Variants in IMMP1L observed in about 807,000 individuals in gnomAD.
The protein encoded by IMMP1L is inner mitochondrial membrane peptidase subunit 1.
IMMP1L carries 24 observed loss-of-function variants against 21.8 expected under a neutral mutation model. The observed-to-expected ratio is 1.10, with a 90% CI of 0.80 to 1.55. IMMP1L has a LOEUF of 1.55. Ranked by LOEUF, IMMP1L falls within the 40% of genes most tolerant of loss-of-function variation. The pLI is 0.00. For missense variants in IMMP1L, 195 were observed against 200.7 expected, an observed-to-expected ratio of 0.97 and a Z score of 0.17; for synonymous variants, 46 against 62.8, an observed-to-expected ratio of 0.73 and a Z score of 1.26.
intron 1 of IMMP1L, among the ~76,000 whole-genome samples, chr11:31,464,595 A>G (rs1000730932): frequency 6.6e-6 from 1 of 152,208 alleles, no homozygotes; most frequent in Non-Finnish European, 1.5e-5. Context: ...TACCACGATC[A>G]GATGGGATTT....
Position 31,462,699 on chromosome 11 carries a change from T to C in IMMP1L, c.105+473A>G, listed in dbSNP as rs1322407830. Among the ~76,000 whole-genome samples, 3 of 152,224 alleles carry C rather than the reference T, an allele frequency of 2.0e-5. No individual in the cohort carries two copies. The South Asian group carries it at 6.2e-4, about 32-fold the overall frequency. On this transcript the variant is annotated intron_variant, in intron 2 of 5. Coordinates refer to ENST00000532287, the MANE Select transcript of IMMP1L (RefSeq NM_001304274.2). ...TGGAATTTTGAAAACTGGACAAATA[T>C]GTGTTGAAATTTCAAGTTACTTACT...
At chr11:31,504,352 C>T (rs1322112960) in intron 1 of IMMP1L, among the ~76,000 whole-genome samples, 1 of 152,010 alleles carries the variant, frequency 6.6e-6, no homozygotes, top group Non-Finnish European at 1.5e-5. Flanking sequence ...CCTACAAATC[C>T]ATGGGACAGA....
intron 4 of IMMP1L, among the ~76,000 whole-genome samples, chr11:31,448,669 A>G (rs1312559905): frequency 1.3e-5 from 2 of 152,250 alleles, no homozygotes; most frequent in Non-Finnish European, 2.9e-5. Flanking sequence ...CTTTCAACAG[A>G]GATGCTGATC....
At chr11:31,450,792 G>A (rs1299067455) in intron 4 of IMMP1L, among the ~76,000 whole-genome samples, 1 of 152,090 alleles carries the variant, frequency 6.6e-6, no homozygotes, top group Non-Finnish European at 1.5e-5. Context: ...AGAAAAAAAG[G>A]AGTAGAAGTA....
At chr11:31,488,429 T>C (rs542092911) in intron 1 of IMMP1L, among the ~76,000 whole-genome samples, 2 of 152,212 alleles carry the variant, frequency 1.3e-5, no homozygotes, top group East Asian at 3.9e-4. Context: ...ACAGACAATA[T>C]TAAAGTCCTT....
chr11:31,495,694 T>A (rs1452543026), intron 1 of IMMP1L, among the ~76,000 whole-genome samples: 3 of 152,120 alleles, frequency 2.0e-5, no homozygotes, highest in African/African-American at 7.2e-5. Context: ...TGGAATAGAA[T>A]AAAGAGCACA....
At chr11:31,499,671 C>T (rs894956444) in intron 1 of IMMP1L, among the ~76,000 whole-genome samples, 7 of 152,130 alleles carry the variant, frequency 4.6e-5, no homozygotes, top group African/African-American at 1.7e-4. Context: ...GTGAAAACTA[C>T]ATGAAATTCA....
chr11:31,451,782 T>C (rs777992576), intron 4 of IMMP1L, among the ~76,000 whole-genome samples: 1 of 152,030 alleles, frequency 6.6e-6, no homozygotes, highest in Non-Finnish European at 1.5e-5. Flanking sequence ...CAGGATGAGG[T>C]CAGCTAAAGT....
intron 4 of IMMP1L, among the ~76,000 whole-genome samples, chr11:31,435,457 G>A (rs1591934813): frequency 6.6e-6 from 1 of 152,150 alleles, no homozygotes; most frequent in East Asian, 1.9e-4. Flanking sequence ...GCCATGATTT[G>A]ACTTTTATTG....
chr11:31,447,691 G>T (rs556841589), intron 4 of IMMP1L, among the ~76,000 whole-genome samples: 1 of 152,246 alleles, frequency 6.6e-6, no homozygotes, highest in Non-Finnish European at 1.5e-5. Context: ...TGTCCCAGGA[G>T]GAAAACACTC....
chr11:31,503,306 G>A (rs988261344), intron 1 of IMMP1L, among the ~76,000 whole-genome samples: 2 of 152,050 alleles, frequency 1.3e-5, no homozygotes, highest in Non-Finnish European at 2.9e-5. Context: ...AGAAAAGGCA[G>A]AAAATCAATA....
chr11:31,482,511 T>C (rs1203905240), intron 1 of IMMP1L, among the ~76,000 whole-genome samples: 3 of 151,896 alleles, frequency 2.0e-5, no homozygotes, highest in African/African-American at 7.2e-5. Context: ...TCAAAGGAAA[T>C]GACAGGCTAA....
intron 4 of IMMP1L, among the ~76,000 whole-genome samples, chr11:31,436,389 C>T (rs1953118225): frequency 6.6e-6 from 1 of 152,158 alleles, no homozygotes; most frequent in South Asian, 2.1e-4. Context: ...ACTTTTGTAG[C>T]AGTTATGACC....
At position 31,432,487 on chromosome 11, in the gene IMMP1L, G is replaced by T. The variant is rs544532938; in HGVS notation, c.*13C>A. 3 of 1,596,280 alleles carry T rather than the reference G, an allele frequency of 1.9e-6. No homozygotes were observed. Among genetic ancestry groups the T allele is most frequent in the African/African-American group, 1.3e-5 (1 of 74,642 alleles). On this transcript the variant is annotated 3_prime_UTR_variant, in exon 6 of 6. Transcript: ENST00000532287. ...AAAGGAGACAATAATCAAGTCAAAA[G>T]AATAAATGCTTACTAATCATCAGAA...
chr11:31,495,249 C>T (rs1157641004), intron 1 of IMMP1L, among the ~76,000 whole-genome samples: 3 of 152,176 alleles, frequency 2.0e-5, no homozygotes, highest in African/African-American at 7.2e-5. Flanking sequence ...CCCACATCTT[C>T]GTGTCTTCTG....
chr11:31,464,550 C>T (rs1954265086), intron 1 of IMMP1L, among the ~76,000 whole-genome samples: 1 of 152,122 alleles, frequency 6.6e-6, no homozygotes, highest in Non-Finnish European at 1.5e-5. Flanking sequence ...AAAATACTAG[C>T]AAACCAAACC....
At chr11:31,500,106 T>C (rs1421091010) in intron 1 of IMMP1L, among the ~76,000 whole-genome samples, 1 of 152,026 alleles carries the variant, frequency 6.6e-6, no homozygotes, top group East Asian at 1.9e-4. Context: ...TTATGCACAT[T>C]AAAGCAAAGT....
At chr11:31,461,430 G>C (rs1591981024) in intron 2 of IMMP1L, among the ~76,000 whole-genome samples, 1 of 152,042 alleles carries the variant, frequency 6.6e-6, no homozygotes, top group African/African-American at 2.4e-5. Flanking sequence ...AGCAATTAAA[G>C]ATTTTCCTAT....
rs1019031319 is a variant in IMMP1L, at chr11:31,479,970, C to G, written c.-29-16665G>C. Among the ~76,000 whole-genome samples, 5 of 152,054 alleles carry G rather than the reference C, an allele frequency of 3.3e-5. No homozygotes were observed. In the South Asian group the frequency reaches 1.0e-3, roughly 32 times the overall value. On this transcript the variant is annotated intron_variant, in intron 1 of 5. Coordinates refer to ENST00000532287, the MANE Select transcript of IMMP1L (RefSeq NM_001304274.2). ...TTTAAGGATGGTGGTGAAAGAAGAC[C>G]TGCCAAATTGCTGACCATCGATGTA...
Sources: allele counts gnomAD v4.1 joint callset (sites outside exome capture counted in the v4.1 genomes callset), GRCh38; gene constraint gnomAD v4.1.1; transcripts MANE v1.5; gene names NCBI Gene and HGNC (gene_info 2026-07-23, HGNC 2026-07-21).